The following PRIM2 variants were observed in gnomAD, a reference collection of about 807,000 sequenced individuals.
PRIM2 encodes DNA primase subunit 2.
A neutral mutation model predicts 67.3 loss-of-function variants in PRIM2; 39 were observed. The observed-to-expected ratio is 0.58, with a 90% confidence interval of 0.45 to 0.76. The LOEUF (loss-of-function observed/expected upper bound fraction) is 0.76, where lower values mean the gene tolerates loss of function less well. PRIM2 is among the 30% of genes least tolerant of loss of function. The pLI is 0.00. For synonymous variants in PRIM2, 143 were observed against 198.7 expected, an observed-to-expected ratio of 0.72 and a Z score of 2.36; for missense variants, 398 against 598.7, an observed-to-expected ratio of 0.66 and a Z score of 3.50.
At chr6:57,277,324 T>G in the PRIM2 span, among the ~76,000 whole-genome samples, 1 of 152,204 alleles carries the variant, frequency 6.6e-6, no homozygotes, top group Non-Finnish European at 1.5e-5. Flanking sequence ...CTTAGGTGTC[T>G]GGCAGGCAAA....
intron 12 of PRIM2, among the ~76,000 whole-genome samples, 194 bp downstream of exon 12, chr6:57,606,651 C>T (rs1379380364): frequency 1.3e-5 from 2 of 152,198 alleles, no homozygotes; most frequent in African/African-American, 2.4e-5. Context: ...GTTCTTCTGT[C>T]TGCTAAGCTG....
the PRIM2 span, among the ~76,000 whole-genome samples, chr6:57,294,579 G>A: frequency 3.3e-5 from 5 of 151,506 alleles, no homozygotes; most frequent in East Asian, 9.7e-4. Context: ...ATAAATTTAT[G>A]TATAAGTATG....
At chr6:57,271,039 A>G in the PRIM2 span, among the ~76,000 whole-genome samples, 1 of 152,176 alleles carries the variant, frequency 6.6e-6, no homozygotes, top group Non-Finnish European at 1.5e-5. Flanking sequence ...CCAGTATTTT[A>G]TTGAGGATTT....
chr6:57,443,955 A>T (rs1427386404), intron 7 of PRIM2, among the ~76,000 whole-genome samples: 3 of 152,144 alleles, frequency 2.0e-5, no homozygotes, highest in Non-Finnish European at 2.9e-5. Flanking sequence ...GGTGTGAGAT[A>T]AGGGTCCAAG....
intron 8 of PRIM2, among the ~76,000 whole-genome samples, chr6:57,509,458 G>A (rs1268573384): frequency 2.6e-5 from 4 of 152,100 alleles, no homozygotes; most frequent in African/African-American, 9.7e-5. Flanking sequence ...CATCTTGTCT[G>A]TTTGCTTTGC....
the PRIM2 span, among the ~76,000 whole-genome samples, chr6:57,256,730 A>ACACACACG: frequency 7.1e-6 from 1 of 140,228 alleles, no homozygotes; most frequent in Non-Finnish European, 1.5e-5. Flanking sequence ...ACACACACAC[A>ACACACACG]CACACACACA....
chr6:57,532,243 A>G lies in PRIM2; in HGVS notation c.762-168A>G, dbSNP rs1774907279. Among the ~76,000 whole-genome samples the G allele has an allele frequency of 6.6e-5, 10 of 152,342 alleles. No homozygotes were observed. The South Asian group carries it at 2.1e-3, about 32-fold the overall frequency. ...TCTATTATTTTGGGGTAAGTTACTTAAATTAATTTCATTAAATACGTTTAA... is the reference window on the plus strand; with the variant it reads ...TCTATTATTTTGGGGTAAGTTACTTGAATTAATTTCATTAAATACGTTTAA... On this transcript the variant is annotated intron_variant, in intron 8 of 13. Transcript: ENST00000615550.
the PRIM2 span, among the ~76,000 whole-genome samples, chr6:57,234,846 G>A: frequency 6.6e-6 from 1 of 152,010 alleles, no homozygotes; most frequent in Non-Finnish European, 1.5e-5. Flanking sequence ...TTAATTTTTT[G>A]GAAATGACTG....
At chr6:57,280,403 A>G in the PRIM2 span, among the ~76,000 whole-genome samples, 3 of 151,934 alleles carry the variant, frequency 2.0e-5, no homozygotes, top group Admixed American at 2.0e-4. Context: ...TTTTAAATAA[A>G]CTTTTAATTT....
At chr6:57,379,612 T>C (rs1308785314) in intron 5 of PRIM2, among the ~76,000 whole-genome samples, 1 of 152,180 alleles carries the variant, frequency 6.6e-6, no homozygotes, top group Non-Finnish European at 1.5e-5. Context: ...ATAAGTTTTT[T>C]CCTTTTTCTC....
At chr6:57,242,872 G>T in the PRIM2 span, among the ~76,000 whole-genome samples, 1 of 152,166 alleles carries the variant, frequency 6.6e-6, no homozygotes, top group African/African-American at 2.4e-5. Flanking sequence ...TGTGCTTCAG[G>T]AGTAAATTTT....
chr6:57,645,457 G>T (rs1218089746), intron 13 of PRIM2, among the ~76,000 whole-genome samples: 1 of 150,860 alleles, frequency 6.6e-6, no homozygotes, highest in Admixed American at 6.7e-5. Flanking sequence ...TTTGGGTATT[G>T]CCAGAATTGA....
At chr6:57,369,243 CAG>C (rs1769466527) in intron 5 of PRIM2, among the ~76,000 whole-genome samples, 1 of 152,094 alleles carries the variant, frequency 6.6e-6, no homozygotes, top group Non-Finnish European at 1.5e-5. Flanking sequence ...AGGATTTCAA[CAG>C]AGTGAAATTG....
the PRIM2 span, chr6:57,221,910 C>T: frequency 4.6e-5 from 7 of 152,512 alleles, no homozygotes; most frequent in Non-Finnish European, 8.8e-5. Context: ...AGGCACAACC[C>T]GGGACCCCGG....
At chr6:57,278,722 G>A in the PRIM2 span, among the ~76,000 whole-genome samples, 1 of 151,996 alleles carries the variant, frequency 6.6e-6, no homozygotes, top group East Asian at 1.9e-4. Flanking sequence ...GAAAAAAGGA[G>A]TTATGGATGA....
At position 57,555,536 on chromosome 6, in the gene PRIM2, T is replaced by G. The variant is rs1202719392; in HGVS notation, c.1020+17911T>G. 1.1e-4 allele frequency among the ~76,000 whole-genome samples: 17 copies of G among 152,314 alleles called. No individual in the cohort carries two copies. The East Asian group carries it at 3.1e-3, about 28-fold the overall frequency. ...CTCAAGTGATCCACCCGCCTCGGCC[T>G]CCCAAAGTGCTGGGATTATAGGCGT... is the stretch of plus-strand genomic sequence containing the variant. On this transcript the variant is annotated intron_variant, in intron 10 of 13. Coordinates refer to ENST00000615550, the MANE Select transcript of PRIM2 (RefSeq NM_000947.5).
At chr6:57,304,434 A>G in the PRIM2 span, among the ~76,000 whole-genome samples, 1 of 152,230 alleles carries the variant, frequency 6.6e-6, no homozygotes, top group African/African-American at 2.4e-5. Context: ...TTAACTCTAC[A>G]TGCAGACAGA....
intron 10 of PRIM2, among the ~76,000 whole-genome samples, chr6:57,538,574 A>G (rs1775067312): frequency 1.3e-5 from 2 of 152,204 alleles, no homozygotes; most frequent in Admixed American, 1.3e-4. Flanking sequence ...GGAAGAAAGA[A>G]TATTTACCAG....
chr6:57,375,055 T>C (rs1019355552), intron 5 of PRIM2, among the ~76,000 whole-genome samples: 1 of 151,690 alleles, frequency 6.6e-6, no homozygotes, highest in Non-Finnish European at 1.5e-5. Flanking sequence ...GAATACTCTT[T>C]ATTTTTTTCT....
Sources: allele counts gnomAD v4.1 joint callset (sites outside exome capture counted in the v4.1 genomes callset), GRCh38; gene constraint gnomAD v4.1.1; transcripts MANE v1.5; gene names NCBI Gene and HGNC (gene_info 2026-07-23, HGNC 2026-07-21).